Variants in PAPPA2 observed in about 807,000 individuals in gnomAD.
PAPPA2 encodes the protein pappalysin 2.
Under a neutral mutation model 176.4 loss-of-function variants are expected in PAPPA2, and 86 were observed. The ratio of observed to expected loss-of-function variants is 0.49; its 90% CI spans 0.41 to 0.58. PAPPA2 has a LOEUF of 0.58. PAPPA2 is among the 20% of genes least tolerant of loss of function. PAPPA2 has a pLI of 0.00. For missense variants in PAPPA2, 2,073 were observed against 2,256.9 expected, an observed-to-expected ratio of 0.92 and a Z score of 1.65; for synonymous variants, 809 against 852.2, an observed-to-expected ratio of 0.95 and a Z score of 0.88.
intron 12 of PAPPA2, among the ~76,000 whole-genome samples, chr1:176,730,942 A>AT (rs900477560): frequency 6.6e-6 from 1 of 151,778 alleles, no homozygotes; most frequent in African/African-American, 2.4e-5. Context: ...TTTATTAGAT[A>AT]TTTTTTTCTC....
chr1:176,703,415 C>T (rs1660748615), intron 9 of PAPPA2, among the ~76,000 whole-genome samples: 1 of 152,288 alleles, frequency 6.6e-6, no homozygotes, highest in Non-Finnish European at 1.5e-5. Flanking sequence ...ACTAAAAATA[C>T]CAAGTCCCAG....
At chr1:176,639,775 C>T (rs906223749) in intron 3 of PAPPA2, among the ~76,000 whole-genome samples, 7 of 149,542 alleles carry the variant, frequency 4.7e-5, no homozygotes, top group African/African-American at 1.5e-4. Flanking sequence ...AGTGCAATGG[C>T]GAGATCTTGG....
intron 17 of PAPPA2, among the ~76,000 whole-genome samples, chr1:176,788,475 C>T (rs1425485865): frequency 6.6e-6 from 1 of 152,194 alleles, no homozygotes; most frequent in Non-Finnish European, 1.5e-5. Flanking sequence ...AAGGCTGCCA[C>T]ATATTTGAAA....
chr1:176,725,547 A>G (rs932476062), intron 12 of PAPPA2, among the ~76,000 whole-genome samples: 2 of 152,348 alleles, frequency 1.3e-5, no homozygotes, highest in Admixed American at 1.3e-4. Flanking sequence ...TAGAAGACAC[A>G]AAGTTGTAAG....
At chr1:176,516,631 G>A (rs1282229549) in intron 1 of PAPPA2, among the ~76,000 whole-genome samples, 1 of 152,136 alleles carries the variant, frequency 6.6e-6, no homozygotes, top group African/African-American at 2.4e-5. Flanking sequence ...TGCCATATGA[G>A]GACATAGTGT....
chr1:176,621,142 G>A (rs1371821635), intron 3 of PAPPA2, among the ~76,000 whole-genome samples: 1 of 152,192 alleles, frequency 6.6e-6, no homozygotes, highest in East Asian at 1.9e-4. Context: ...TAACAGGTAA[G>A]AATGTTGCTT....
chr1:176,691,909 ATGAAAGTGC>A (rs1660135360), intron 5 of PAPPA2, among the ~76,000 whole-genome samples: 2 of 152,300 alleles, frequency 1.3e-5, no homozygotes, highest in Non-Finnish European at 2.9e-5. Flanking sequence ...TGCTTTAGAT[ATGAAAGTGC>A]TGCATCTCTG....
intron 8 of PAPPA2, among the ~76,000 whole-genome samples, chr1:176,700,306 C>G (rs897675361): frequency 3.3e-5 from 5 of 152,248 alleles, no homozygotes; most frequent in African/African-American, 1.2e-4. Flanking sequence ...TTCTCTTGAC[C>G]TCATAACCTT....
chr1:176,808,462 G>A lies in PAPPA2; in HGVS notation c.5202+8330G>A, dbSNP rs1157836729. Among the ~76,000 whole-genome samples, 3 of 152,174 alleles carry A rather than the reference G, an allele frequency of 2.0e-5. No homozygotes were observed. The East Asian group carries it at 5.8e-4, about 29-fold the overall frequency. On this transcript the variant is annotated intron_variant, in intron 21 of 22. Transcript: ENST00000367662. ...AAGAAATCACTTGGAATAGAATAAAGTTCAGAAAGGTCAAGGATAGAAGTC... is the reference window on the plus strand; with the variant it reads ...AAGAAATCACTTGGAATAGAATAAAATTCAGAAAGGTCAAGGATAGAAGTC...
intron 2 of PAPPA2, among the ~76,000 whole-genome samples, chr1:176,572,982 A>T (rs140930244): frequency 6.6e-6 from 1 of 152,188 alleles, no homozygotes; most frequent in Non-Finnish European, 1.5e-5. Flanking sequence ...GGATCTCAAA[A>T]TTATTTATTT....
At chr1:176,738,927 C>A (rs1292508820) in intron 12 of PAPPA2, among the ~76,000 whole-genome samples, 2 of 151,994 alleles carry the variant, frequency 1.3e-5, no homozygotes, top group Non-Finnish European at 2.9e-5. Flanking sequence ...ATCACCCTAA[C>A]CATCTAGGGA....
chr1:176,661,034 A>G (rs1261698100), intron 3 of PAPPA2, among the ~76,000 whole-genome samples: 1 of 152,090 alleles, frequency 6.6e-6, no homozygotes, highest in Admixed American at 6.6e-5. Context: ...TTGGGGTCTT[A>G]TGAATACCTC....
chr1:176,562,276 C>A (rs1300319303), intron 2 of PAPPA2, among the ~76,000 whole-genome samples: 1 of 152,122 alleles, frequency 6.6e-6, no homozygotes, highest in Non-Finnish European at 1.5e-5. Context: ...GAAACATCCC[C>A]TTCTCCCAAT....
At chr1:176,517,217 G>A (rs566619458) in intron 1 of PAPPA2, among the ~76,000 whole-genome samples, 2 of 152,204 alleles carry the variant, frequency 1.3e-5, no homozygotes, top group South Asian at 2.1e-4. Context: ...TGCTTTGACT[G>A]GTGGGATTAA....
intron 17 of PAPPA2, among the ~76,000 whole-genome samples, chr1:176,772,849 G>T (rs373582231): frequency 1.6e-3 from 249 of 152,228 alleles, no homozygotes; most frequent in African/African-American, 5.9e-3. Context: ...CTGTTTTCTT[G>T]CTTTTTTTCT....
chr1:176,815,967 C>A (rs1292673944), intron 21 of PAPPA2, among the ~76,000 whole-genome samples: 3 of 151,380 alleles, frequency 2.0e-5, no homozygotes, highest in Admixed American at 2.0e-4. Context: ...TTCTTTCCGT[C>A]CTTTTTCCAC....
At position 176,547,901 on chromosome 1, in the gene PAPPA2, T is replaced by A. The variant is rs115283913; in HGVS notation, c.-916-7506T>A. Among the ~76,000 whole-genome samples the A allele has an allele frequency of 8.7e-3, 1,323 of 152,278 alleles. 20 individuals are homozygous for A. The highest frequency in any genetic ancestry group is 0.03 in the African/African-American group (1,260 of 41,554). On this transcript the variant is annotated intron_variant, in intron 1 of 22. Transcript: ENST00000367662. ...CTTTATCCTCCATTCCAGGATTTTT[T>A]AAAAAATGTGGGGTGCCGACCCACA... is the stretch of plus-strand genomic sequence containing the variant.
chr1:176,569,510 G>A (rs1340249939), intron 2 of PAPPA2, among the ~76,000 whole-genome samples: 2 of 152,206 alleles, frequency 1.3e-5, no homozygotes, highest in African/African-American at 2.4e-5. Context: ...GACACTAAGA[G>A]AAACCTACCG....
intron 1 of PAPPA2, among the ~76,000 whole-genome samples, chr1:176,503,702 C>A (rs2102512434): frequency 6.6e-6 from 1 of 152,244 alleles, no homozygotes; most frequent in Non-Finnish European, 1.5e-5. Context: ...GAAGTGAATT[C>A]TGGAGAAAGC....
Sources: allele counts gnomAD v4.1 joint callset (sites outside exome capture counted in the v4.1 genomes callset), GRCh38; gene constraint gnomAD v4.1.1; transcripts MANE v1.5; gene names NCBI Gene and HGNC (gene_info 2026-07-23, HGNC 2026-07-21).